MS4A18: variants seen among roughly 807,000 people sequenced by gnomAD.
MS4A18 encodes the protein membrane-spanning 4-domains subfamily A member 18.
A neutral mutation model predicts 13.1 loss-of-function variants in MS4A18; 27 were observed. The ratio of observed to expected loss-of-function variants is 2.06; its 90% CI spans 1.52 to 2.84. The LOEUF is 2.84. Among genes scored for constraint, MS4A18 ranks in the 30% most tolerant of loss-of-function variants. MS4A18 has a pLI of 0.00. For synonymous variants in MS4A18, 126 were observed against 76.5 expected, an observed-to-expected ratio of 1.65 and a Z score of -3.38; for missense variants, 307 against 196.4, an observed-to-expected ratio of 1.56 and a Z score of -3.37.
At chr11:60,727,790 G>A (rs1047871891), upstream of MS4A18, among the ~76,000 whole-genome samples, 4 of 152,092 alleles carry the variant, frequency 2.6e-5, no homozygotes, top group African/African-American at 4.8e-5. Context: ...GGATATCTTC[G>A]CATCTAATAA....
chr11:60,733,600 C>A (rs559950803), exon 2 of MS4A18: 43 of 703,636 alleles, frequency 6.1e-5, no homozygotes, highest in South Asian at 2.1e-4. Flanking sequence ...GTATTACTAT[C>A]CTTTTGTGAC....
chr11:60,739,109 C>A (rs937521681), intron 4 of MS4A18, 112 bp downstream of exon 5: 6 of 644,202 alleles, frequency 9.3e-6, no homozygotes, highest in Admixed American at 4.8e-5. Context: ...AGTATGACAA[C>A]CACTACATCC....
chr11:60,732,698 T>C (rs1853274386), intron 1 of MS4A18, among the ~76,000 whole-genome samples: 1 of 129,272 alleles, frequency 7.7e-6, no homozygotes, highest in Non-Finnish European at 1.5e-5. Context: ...GCCATTGCAC[T>C]CCAGCCTGGG....
At chr11:60,726,717 CTTTTATTTTATTTTATTTTA>C (rs3044411), upstream of MS4A18, among the ~76,000 whole-genome samples, 13 of 124,952 alleles carry the variant, frequency 1.0e-4, no homozygotes, top group African/African-American at 2.2e-4. Flanking sequence ...TGGGGTAACA[CTTTTATTTTATTTTATTTTA>C]TTTTATTTTA....
exon 2 of MS4A18, chr11:60,733,559 C>T (rs746199199): frequency 4.8e-5 from 34 of 703,366 alleles, no homozygotes; most frequent in African/African-American, 8.7e-5. Context: ...ATCGGCCTGA[C>T]GCACATTTTC....
chr11:60,744,247 GGT>G, downstream of MS4A18: 1 of 443,884 alleles, frequency 2.3e-6, no homozygotes, highest in South Asian at 2.7e-5. Flanking sequence ...CAAAGTTCAG[GGT>G]GCATTTTGGT....
At chr11:60,736,357 G>C (rs1456837218) in intron 2 of MS4A18, among the ~76,000 whole-genome samples, 1 of 151,834 alleles carries the variant, frequency 6.6e-6, no homozygotes, top group African/African-American at 2.4e-5. Flanking sequence ...TAGCCAGAAA[G>C]TGCTGGAGGA....
chr11:60,729,838 T>C, intron 1 of MS4A18, 52 bp downstream of exon 2: 8 of 654,566 alleles, frequency 1.2e-5, no homozygotes, highest in South Asian at 1.7e-5. Context: ...TAAGCCCTCG[T>C]CTAGTGCTCT....
intron 5 of MS4A18, among the ~76,000 whole-genome samples, chr11:60,743,055 T>A (rs1853431466): frequency 6.6e-6 from 1 of 152,200 alleles, no homozygotes; most frequent in Non-Finnish European, 1.5e-5. Flanking sequence ...GCTAAAGGCT[T>A]ACTCACAGCT....
chr11:60,743,105 A>C (rs1376380513), intron 5 of MS4A18, among the ~76,000 whole-genome samples: 1 of 152,202 alleles, frequency 6.6e-6, no homozygotes, highest in African/African-American at 2.4e-5. Flanking sequence ...AACCCAATGC[A>C]TGTGTTGGAT....
chr11:60,741,330 C>G (rs1175650127), intron 5 of MS4A18, among the ~76,000 whole-genome samples, 187 bp downstream of exon 6: 1 of 152,186 alleles, frequency 6.6e-6, no homozygotes, highest in Non-Finnish European at 1.5e-5. Flanking sequence ...TTCTGTGCAT[C>G]ATCAGCTTGG....
chr11:60,727,308 C>T (rs889364194), upstream of MS4A18, among the ~76,000 whole-genome samples: 1 of 152,048 alleles, frequency 6.6e-6, no homozygotes, highest in African/African-American at 2.4e-5. Flanking sequence ...TTCAAAACAC[C>T]CTTTGGAGAA....
At chr11:60,733,439 G>T in intron 1 of MS4A18, 95 bp from the exon 3 acceptor site, 1 of 692,680 alleles carries the variant, frequency 1.4e-6, no homozygotes, top group Non-Finnish European at 2.6e-6. Flanking sequence ...ATCACCCCTG[G>T]GGTGATTCTG....
At chr11:60,727,010 T>C (rs1055853643), upstream of MS4A18, among the ~76,000 whole-genome samples, 3 of 152,116 alleles carry the variant, frequency 2.0e-5, no homozygotes, top group South Asian at 2.1e-4. Flanking sequence ...CTCCCACTTA[T>C]GTTTGGTTTT....
chr11:60,730,479 A>C (rs752028815), intron 1 of MS4A18, among the ~76,000 whole-genome samples: 63 of 152,226 alleles, frequency 4.1e-4, no homozygotes, highest in Non-Finnish European at 8.1e-4. Flanking sequence ...ACTCAGAGAT[A>C]ACCAAAACAT....
chr11:60,728,600 T>C (rs1853202609), upstream of MS4A18, among the ~76,000 whole-genome samples: 1 of 151,952 alleles, frequency 6.6e-6, no homozygotes, highest in Non-Finnish European at 1.5e-5. Flanking sequence ...TCTGTGTCTG[T>C]GTCTTCCTCC....
upstream of MS4A18, chr11:60,729,194 T>G: frequency 1.6e-6 from 1 of 617,880 alleles, no homozygotes; most frequent in South Asian, 1.9e-5. Flanking sequence ...TCTGGTACCA[T>G]GCTAGGTGAT....
chr11:60,736,613 C>A (rs1412018148), intron 2 of MS4A18, among the ~76,000 whole-genome samples: 1 of 152,208 alleles, frequency 6.6e-6, no homozygotes, highest in Middle Eastern at 3.4e-3. Context: ...GATAGGGCAG[C>A]GGAGGCCAAA....
chr11:60,743,733 C>T (rs1853442270), exon 6 of MS4A18: 1 of 702,796 alleles, frequency 1.4e-6, no homozygotes, highest in African/African-American at 1.7e-5. Context: ...CTGGTCCTGT[C>T]AATGCTGCCA....
Sources: gnomAD v4.1 joint callset for allele counts (sites outside exome capture counted in the v4.1 genomes callset) on GRCh38, gnomAD v4.1.1 for gene constraint, MANE v1.5 for transcripts, NCBI Gene and HGNC (gene_info 2026-07-23, HGNC 2026-07-21) for gene names.